Variants in MED12L observed in about 807,000 individuals in gnomAD.
The protein encoded by MED12L is mediator complex subunit 12L.
A neutral mutation model predicts 281.3 loss-of-function variants in MED12L; 60 were observed. That is an observed-to-expected ratio of 0.21 (90% CI 0.17 to 0.26). The LOEUF is 0.26. MED12L is among the 10% of genes least tolerant of loss of function. MED12L has a pLI of 1.00. For missense variants in MED12L, 2,146 were observed against 2,680.9 expected (o/e 0.80, Z 4.41); for synonymous variants, 974 against 987.2 (o/e 0.99, Z 0.25).
At chr3:151,206,111 C>T (rs1345411566) in intron 16 of MED12L, among the ~76,000 whole-genome samples, 4 of 148,878 alleles carry the variant, frequency 2.7e-5, no homozygotes, top group Admixed American at 6.7e-5. Context: ...TATTCTTTCC[C>T]ACCTGCGTTA....
intron 16 of MED12L, among the ~76,000 whole-genome samples, chr3:151,266,064 AG>A (rs1194640290): frequency 6.6e-6 from 1 of 152,210 alleles, no homozygotes; most frequent in African/African-American, 2.4e-5. Flanking sequence ...CAGTGTGCAC[AG>A]GTGCCCTTGG....
chr3:151,233,373 C>T (rs1732087924), intron 16 of MED12L, among the ~76,000 whole-genome samples: 1 of 152,188 alleles, frequency 6.6e-6, no homozygotes, highest in Non-Finnish European at 1.5e-5. Context: ...TATAGTCTTT[C>T]TTTTCAATGG....
chr3:151,379,735 G>A (rs189920333), intron 31 of MED12L, among the ~76,000 whole-genome samples: 2 of 152,276 alleles, frequency 1.3e-5, no homozygotes, highest in East Asian at 3.9e-4. Context: ...AGTTTTATAT[G>A]AGAACTTTAA....
At chr3:151,167,307 A>G (rs1181862969) in intron 11 of MED12L, among the ~76,000 whole-genome samples, 4 of 152,176 alleles carry the variant, frequency 2.6e-5, no homozygotes, top group Non-Finnish European at 5.9e-5. Context: ...TTCTTTTCAC[A>G]ATGAAAACTG....
At chr3:151,113,432 T>G (rs1712229793) in intron 2 of MED12L, among the ~76,000 whole-genome samples, 1 of 152,084 alleles carries the variant, frequency 6.6e-6, no homozygotes, top group Non-Finnish European at 1.5e-5. Context: ...TGCTTGTACT[T>G]TGAGTAAAAT....
chr3:151,128,743 A>C (rs935961525), intron 5 of MED12L, among the ~76,000 whole-genome samples: 3 of 152,164 alleles, frequency 2.0e-5, no homozygotes, highest in African/African-American at 7.2e-5. Context: ...ACTTCTGGTT[A>C]TGTTCTCACG....
intron 16 of MED12L, among the ~76,000 whole-genome samples, chr3:151,317,359 T>C (rs1290919108): frequency 6.6e-6 from 1 of 151,336 alleles, no homozygotes. Flanking sequence ...CTTTGAATGC[T>C]GACCTTTAAC....
rs774414819 is a variant in MED12L, at chr3:151,193,530, A to T, written c.2114A>T (p.Asn705Ile). The change falls in exon 16 of 45, where the codon AAC becomes ATC. Residue 705 changes from asparagine (N) to isoleucine (I), a missense_variant. Asn to Ile is a moderately radical substitution (Grantham distance 149, BLOSUM62 -3). Coordinates refer to ENST00000687756, the MANE Select transcript of MED12L (RefSeq NM_001393769.1). The stretch of plus-strand genomic sequence containing the variant: ...CCTGGAGAATCCTGTGAGAATGCCA[A>T]CACTTCGTTGGGCAGAAGAATGTCA... ...PMPGESCENA[N>I]TSLGRRMSVN... 3.7e-6 allele frequency: 6 copies of T among 1,613,916 alleles called. No individual in the cohort carries two copies. In the African/African-American group the frequency reaches 5.3e-5, roughly 14 times the overall value.
chr3:151,271,482 C>T (rs1276986490), intron 16 of MED12L, among the ~76,000 whole-genome samples: 1 of 152,066 alleles, frequency 6.6e-6, no homozygotes, highest in Non-Finnish European at 1.5e-5. Context: ...TCCTTGTGAC[C>T]TAGTAATTTC....
intron 16 of MED12L, among the ~76,000 whole-genome samples, chr3:151,283,019 T>C (rs1743016706): frequency 6.6e-6 from 1 of 152,236 alleles, no homozygotes; most frequent in Non-Finnish European, 1.5e-5. Flanking sequence ...GTTAAACCTC[T>C]TGCAATGAAT....
chr3:151,161,179 A>G (rs1041954921), intron 8 of MED12L, among the ~76,000 whole-genome samples: 3 of 152,206 alleles, frequency 2.0e-5, no homozygotes, highest in African/African-American at 7.2e-5. Flanking sequence ...GTGGGGAGGT[A>G]GGAAAGGAGG....
chr3:151,320,662 A>G (rs1748890673), intron 16 of MED12L, among the ~76,000 whole-genome samples: 1 of 152,182 alleles, frequency 6.6e-6, no homozygotes, highest in Admixed American at 6.5e-5. Context: ...CATTTGATTA[A>G]AGGGAAGGGG....
chr3:151,383,850 G>T lies in MED12L; in HGVS notation c.4752G>T (p.Gln1584His), dbSNP rs1317492970. ...WTTDWALLLLQIITSGTVDMH... is the reference protein window; with the variant it reads ...WTTDWALLLLHIITSGTVDMH... ...CAGACTGGGCCCTGCTACTCCTTCA[G>T]ATCATTACTTCAGGAACTGTTGACA... is the stretch of plus-strand genomic sequence containing the variant. The change falls in exon 34 of 45, where the codon CAG becomes CAT. Residue 1584 changes from glutamine to histidine, a missense_variant. Physicochemically the swap from Gln to His is conservative, Grantham distance 24. Transcript: ENST00000687756. 6.2e-7 allele frequency: 1 copy of T among 1,613,990 alleles called. No individual in the cohort carries two copies. The highest frequency in any genetic ancestry group is 8.5e-7 in the Non-Finnish European group (1 of 1,179,926).
At chr3:151,236,522 A>G (rs1732845774) in intron 16 of MED12L, among the ~76,000 whole-genome samples, 1 of 152,344 alleles carries the variant, frequency 6.6e-6, no homozygotes, top group Admixed American at 6.5e-5. Flanking sequence ...AGACCTTGAC[A>G]GTAAGCAGCT....
At chr3:151,339,675 GTA>G (rs1353133178) in intron 16 of MED12L, among the ~76,000 whole-genome samples, 1 of 151,966 alleles carries the variant, frequency 6.6e-6, no homozygotes, top group Non-Finnish European at 1.5e-5. Flanking sequence ...AATGGCCTGT[GTA>G]TATATGGTCA....
chr3:151,234,359 TTGTC>T (rs1007484596), intron 16 of MED12L, among the ~76,000 whole-genome samples: 10 of 152,304 alleles, frequency 6.6e-5, no homozygotes, highest in Admixed American at 3.3e-4. Flanking sequence ...CTTGAATAAA[TTGTC>T]TGTCTAGGTA....
chr3:151,248,527 A>G (rs184536027), intron 16 of MED12L, among the ~76,000 whole-genome samples: 3 of 152,124 alleles, frequency 2.0e-5, no homozygotes, highest in Admixed American at 1.3e-4. Flanking sequence ...GTACTGGTCC[A>G]CTTTATCATA....
chr3:151,289,523 G>A (rs55914511), intron 16 of MED12L, among the ~76,000 whole-genome samples: 2,666 of 152,280 alleles, frequency 0.018, 44 homozygotes, highest in Middle Eastern at 0.041. Flanking sequence ...TCTGTGTTAC[G>A]AAAGATATTT....
At chr3:151,136,887 T>G (rs1716212843) in intron 5 of MED12L, among the ~76,000 whole-genome samples, 1 of 152,130 alleles carries the variant, frequency 6.6e-6, no homozygotes, top group Non-Finnish European at 1.5e-5. Flanking sequence ...GTTTAGGCTG[T>G]GTGCGGTGGC....
Sources: allele counts gnomAD v4.1 joint callset (sites outside exome capture counted in the v4.1 genomes callset), GRCh38; gene constraint gnomAD v4.1.1; transcripts MANE v1.5; gene names NCBI Gene and HGNC (gene_info 2026-07-23, HGNC 2026-07-21).